The following CSGALNACT1 variants were observed in gnomAD, a reference collection of about 807,000 sequenced individuals.
CSGALNACT1 encodes chondroitin sulfate N-acetylgalactosaminyltransferase 1.
In CSGALNACT1, 52 loss-of-function variants were observed where a neutral mutation model predicts 51.0. The ratio of observed to expected loss-of-function variants is 1.02; its 90% CI spans 0.82 to 1.29. CSGALNACT1 has a LOEUF of 1.29. CSGALNACT1 is among the 50% of genes most tolerant of loss of function. The probability of loss-of-function intolerance (pLI) is 0.00; values close to 1 mark genes in which losing one functional copy is unlikely to be tolerated. For synonymous variants in CSGALNACT1, 341 were observed against 254.4 expected, an observed-to-expected ratio of 1.34 and a Z score of -3.24; for missense variants, 935 against 679.2, an observed-to-expected ratio of 1.38 and a Z score of -4.19.
intron 4 of CSGALNACT1, among the ~76,000 whole-genome samples, chr8:19,479,860 G>A (rs141556945): frequency 1.4e-3 from 147 of 105,524 alleles, no homozygotes; most frequent in Non-Finnish European, 1.7e-3. Flanking sequence ...ATTCCTCTCC[G>A]TAGATCACAC....
intron 1 of CSGALNACT1, among the ~76,000 whole-genome samples, chr8:19,729,565 T>C (rs1390249329): frequency 6.6e-6 from 1 of 151,908 alleles, no homozygotes; most frequent in Non-Finnish European, 1.5e-5. Context: ...CTAGTTAGAG[T>C]AGATACAGGT....
At chr8:19,587,428 G>C (rs2046891996) in intron 3 of CSGALNACT1, among the ~76,000 whole-genome samples, 1 of 152,180 alleles carries the variant, frequency 6.6e-6, no homozygotes, top group Non-Finnish European at 1.5e-5. Flanking sequence ...GGGTGGTAAG[G>C]ATGCTGTGTC....
intron 1 of CSGALNACT1, among the ~76,000 whole-genome samples, chr8:19,755,859 G>C (rs1490712253): frequency 2.0e-5 from 3 of 152,166 alleles, no homozygotes; most frequent in East Asian, 1.9e-4. Context: ...GAGTACATAT[G>C]GTGTGGCAGC....
rs1362844442 is a variant in CSGALNACT1 at position 19,513,373 on chromosome 8, C to G, written c.-296-7243G>C. Among the ~76,000 whole-genome samples, 2 of 148,804 alleles carry G rather than the reference C, an allele frequency of 1.3e-5. 1 individual carries two copies. The highest frequency in any genetic ancestry group is 4.2e-4 in the South Asian group (2 of 4,710). ...TTGAAAGACCCTAACGCTCCCAATTCCTACACCCAGTACATTCTGTTCATA... is the reference window on the plus strand; with the variant it reads ...TTGAAAGACCCTAACGCTCCCAATTGCTACACCCAGTACATTCTGTTCATA... On this transcript the variant is annotated intron_variant, in intron 3 of 9. Coordinates refer to ENST00000454498, the Ensembl canonical transcript of CSGALNACT1.
rs1554794643 is a variant in CSGALNACT1 at position 19,666,887 on chromosome 8, G to GAAAGAA, written c.-544+15585_-544+15586insTTCTTT. ...AAAGAAAGAAAGAAAGAAAGAAAGA[G>GAAAGAA]AGAGAGGAAGTGAGGAAGGGAGGAA... On this transcript the variant is annotated intron_variant, in intron 1 of 9. Coordinates refer to the CSGALNACT1 transcript ENST00000332246. Among the ~76,000 whole-genome samples, 52 of 125,108 alleles carry GAAAGAA rather than the reference G, an allele frequency of 4.2e-4. 4 individuals carry two copies. The highest frequency in any genetic ancestry group is 2.9e-3 in the Admixed American group (34 of 11,822). 82.1% of individuals were successfully genotyped at this position (125,108 alleles called of 152,430 possible).
intron 2 of CSGALNACT1, among the ~76,000 whole-genome samples, chr8:19,600,349 G>C (rs190587534): frequency 3.2e-4 from 49 of 152,164 alleles, no homozygotes; most frequent in Admixed American, 2.8e-3. Context: ...CAAAGTGCTG[G>C]GATTATAGGA....
chr8:19,507,850 A>G (rs913607027), intron 3 of CSGALNACT1, among the ~76,000 whole-genome samples: 2 of 152,128 alleles, frequency 1.3e-5, no homozygotes, highest in Non-Finnish European at 2.9e-5. Context: ...GATGGTCTCT[A>G]TCTCCTGACC....
intron 1 of CSGALNACT1, among the ~76,000 whole-genome samples, chr8:19,619,406 G>T (rs996857467): frequency 6.6e-5 from 10 of 152,220 alleles, no homozygotes; most frequent in African/African-American, 2.2e-4. Context: ...CGAAGGGATG[G>T]AGCCATGTCC....
At chr8:19,460,306 C>T (rs928595850) in intron 4 of CSGALNACT1, among the ~76,000 whole-genome samples, 4 of 152,016 alleles carry the variant, frequency 2.6e-5, no homozygotes, top group East Asian at 1.9e-4. Flanking sequence ...CCTTTTATTA[C>T]CTTATATTGT....
intron 4 of CSGALNACT1, among the ~76,000 whole-genome samples, chr8:19,483,971 A>C (rs2072184260): frequency 6.6e-6 from 1 of 152,130 alleles, no homozygotes; most frequent in African/African-American, 2.4e-5. Flanking sequence ...TTAAATGGAA[A>C]ATTCCAGAAA....
chr8:19,701,799 A>G (rs1267417791), intron 1 of CSGALNACT1, among the ~76,000 whole-genome samples: 3 of 152,194 alleles, frequency 2.0e-5, no homozygotes. Flanking sequence ...GTAAGACTCG[A>G]CTTTCAATCC....
chr8:19,602,768 G>A (rs2050724765), upstream of CSGALNACT1: 1 of 152,096 alleles, frequency 6.6e-6, no homozygotes, highest in South Asian at 2.1e-4. Flanking sequence ...ATGGGAAAGA[G>A]GTGCAAGCAA....
chr8:19,440,984 T>G (rs561487860), intron 5 of CSGALNACT1, among the ~76,000 whole-genome samples: 4 of 152,212 alleles, frequency 2.6e-5, no homozygotes, highest in Admixed American at 2.0e-4. Context: ...TCAAAGAGAA[T>G]AAAATACCTA....
At position 19,643,445 on chromosome 8, in the gene CSGALNACT1, T is replaced by G. The variant is rs554284646; in HGVS notation, c.-544+39028A>C. On this transcript the variant is annotated intron_variant, in intron 1 of 9. Coordinates refer to the CSGALNACT1 transcript ENST00000332246. ...TGAGGTCGGGAGTCCAAGACTAGCC[T>G]GGCCAACATGGTGAAACCCTGTGTC... 9.1e-4 allele frequency among the ~76,000 whole-genome samples: 139 copies of G among 152,230 alleles called. 1 individual carries two copies. The highest frequency in any genetic ancestry group is 3.1e-3 in the African/African-American group (130 of 41,540).
At chr8:19,522,940 C>T (rs770546515) in intron 3 of CSGALNACT1, among the ~76,000 whole-genome samples, 1 of 152,184 alleles carries the variant, frequency 6.6e-6, no homozygotes, top group Non-Finnish European at 1.5e-5. Flanking sequence ...AAACTGCATG[C>T]TACTATCCTG....
Position 19,505,583 on chromosome 8 carries a change from C to T in CSGALNACT1, c.252G>A (p.Glu84=), listed in dbSNP as rs189893586. ...GCTGCTCACTCCTCTCCTGCAGCTC[C>T]TCCTTGAGCTGTGCGATCTGCCGCT... The change falls in exon 4 of 10, where the codon GAG becomes GAA. Residue 84 remains glutamate (E), a synonymous_variant. Coordinates refer to ENST00000454498, the Ensembl canonical transcript of CSGALNACT1. The T allele has an allele frequency of 8.7e-6, 14 of 1,614,070 alleles. No homozygotes were observed. The East Asian group carries it at 2.0e-4, about 23-fold the overall frequency.
chr8:19,553,640 A>ATATATGTATATATATATATATAT (rs201836569), intron 3 of CSGALNACT1, among the ~76,000 whole-genome samples: 1 of 117,044 alleles, frequency 8.5e-6, no homozygotes, highest in African/African-American at 3.7e-5. Context: ...TATATATATA[A>ATATATGTATATATATATATATAT]AAAAATATGT....
chr8:19,708,865 C>G (rs2062338896), intron 1 of CSGALNACT1, among the ~76,000 whole-genome samples: 1 of 152,162 alleles, frequency 6.6e-6, no homozygotes, highest in Non-Finnish European at 1.5e-5. Flanking sequence ...TCTTGTCCCT[C>G]TCATGGTGTC....
In CSGALNACT1 at chr8:19,663,108, GC is replaced by G. The variant is rs2058900250; in HGVS notation, c.-544+19364del. Among the ~76,000 whole-genome samples the G allele has an allele frequency of 8.5e-5, 13 of 152,208 alleles. No individual in the cohort carries two copies. The South Asian group carries it at 2.7e-3, about 32-fold the overall frequency. On this transcript the variant is annotated intron_variant, in intron 1 of 9. Transcript: ENST00000332246. ...TAGTCATGATCACTGCCTCCACAAT[GC>G]CCCAGATCCCTTTGTGGCATTCAAG... is the stretch of plus-strand genomic sequence containing the variant.
Sources: gnomAD v4.1 joint callset for allele counts (sites outside exome capture counted in the v4.1 genomes callset) on GRCh38, gnomAD v4.1.1 for gene constraint, MANE v1.5 for transcripts, NCBI Gene and HGNC (gene_info 2026-07-23, HGNC 2026-07-21) for gene names.